Variants in CTBP1 observed in about 807,000 individuals in gnomAD.
CTBP1 encodes C-terminal binding protein 1.
In CTBP1, 11 loss-of-function variants were observed where a neutral mutation model predicts 42.1. The observed-to-expected ratio is 0.26, with a 90% CI of 0.16 to 0.43. CTBP1 has a LOEUF of 0.43. Among genes scored for constraint, CTBP1 ranks in the 20% least tolerant of loss-of-function variants. The probability of loss-of-function intolerance (pLI) is 1.00; values close to 1 mark genes in which losing one functional copy is unlikely to be tolerated. For synonymous variants in CTBP1, 324 were observed against 277.1 expected (o/e 1.17, Z -1.68); for missense variants, 399 against 624.3 (o/e 0.64, Z 3.85).
At chr4:1,221,043 A>T (rs1267999742) in intron 5 of CTBP1, among the ~76,000 whole-genome samples, 1 of 152,282 alleles carries the variant, frequency 6.6e-6, no homozygotes, top group African/African-American at 2.4e-5. Context: ...ACGGCCTGAG[A>T]TATTCGTAAA....
Position 1,238,386 on chromosome 4 carries a change from G to A in CTBP1, c.8-49C>T. ...AGCCTTGCACCACTGCGGCCCCGTG[G>A]CTACAACCCACTCCACGCCACCCAC... On this transcript the variant is annotated intron_variant, in intron 2 of 9. Coordinates refer to ENST00000382952, the MANE Select transcript of CTBP1 (RefSeq NM_001012614.2). The surrounding 1 kb of genome is among the most constrained non-coding windows in gnomAD (Gnocchi z 5.9). 4 of 1,506,656 alleles carry A rather than the reference G, an allele frequency of 2.7e-6. No individual in the cohort carries two copies. The highest frequency in any genetic ancestry group is 1.4e-5 in the African/African-American group (1 of 71,992). 93.3% of individuals were successfully genotyped at this position (1,506,656 alleles called of 1,614,324 possible). A position where few individuals can be genotyped will look rare whatever the true frequency, so the allele number is the denominator to read the frequency against.
Position 1,233,527 on chromosome 4 carries a change from G to A in CTBP1, c.162+4656C>T, listed in dbSNP as rs903880464. Among the ~76,000 whole-genome samples the A allele has an allele frequency of 6.6e-6, 1 of 152,134 alleles. No individual in the cohort carries two copies. ...CACCGGACGCAGCCTCCAGGCTCCA[G>A]GGCTTCCTTTTTCTTGCTCAGCAGT... On this transcript the variant is annotated intron_variant, in intron 3 of 9. Transcript: ENST00000382952. This position sits in a 1 kb window ranked among gnomAD's most constrained non-coding sequence, Gnocchi z 4.6.
At chr4:1,215,942 C>G in intron 6 of CTBP1, 49 bp downstream of exon 6, 1 of 1,550,086 alleles carries the variant, frequency 6.5e-7, no homozygotes, top group Middle Eastern at 2.3e-4. Context: ...ACACCCCCAC[C>G]TGTACCTGCC....
At chr4:1,212,831 C>T (rs1215595191) in intron 9 of CTBP1, 82 bp downstream of exon 9, 1 of 1,228,484 alleles carries the variant, frequency 8.1e-7, no homozygotes, top group Non-Finnish European at 1.2e-6. Context: ...AGACGCCGCC[C>T]CTCCCACCAG....
chr4:1,212,508 AG>A, intron 9 of CTBP1, 85 bp from the exon 10 acceptor site: 2 of 1,207,458 alleles, frequency 1.7e-6, no homozygotes, highest in Non-Finnish European at 2.2e-6. Context: ...GGCAGCACCG[AG>A]GGGGCCTCTC....
At chr4:1,216,363 A>G in intron 5 of CTBP1, 158 bp from the exon 6 acceptor site, 3 of 710,846 alleles carry the variant, frequency 4.2e-6, no homozygotes, top group South Asian at 1.8e-5. Flanking sequence ...CACGCTCCAC[A>G]CGAGCGCTCC....
chr4:1,239,317 C>T (rs1246631757), intron 2 of CTBP1, among the ~76,000 whole-genome samples: 2 of 152,176 alleles, frequency 1.3e-5, no homozygotes, highest in Admixed American at 6.5e-5. Flanking sequence ...TGGGCAGAGG[C>T]GGAGCTGGGG....
intron 1 of CTBP1, among the ~76,000 whole-genome samples, chr4:1,247,570 G>A (rs1200328877): frequency 6.6e-5 from 10 of 152,160 alleles, no homozygotes; most frequent in South Asian, 6.2e-4. Context: ...ATCCTCAGCT[G>A]CAACGGCAAA....
intron 3 of CTBP1, among the ~76,000 whole-genome samples, chr4:1,232,637 C>T (rs1402535897): frequency 6.6e-6 from 1 of 152,174 alleles, no homozygotes; most frequent in African/African-American, 2.4e-5. Flanking sequence ...TTCTAATTGC[C>T]ATTTAATTAA....
intron 2 of CTBP1, among the ~76,000 whole-genome samples, chr4:1,240,343 C>T (rs113716438): frequency 1.0e-5 from 1 of 99,490 alleles, no homozygotes; most frequent in African/African-American, 4.3e-5. Context: ...GTCGGAACCG[C>T]GTGGGGGACT....
chr4:1,242,915 G>A, intron 1 of CTBP1: 1 of 985,202 alleles, frequency 1.0e-6, no homozygotes, highest in Non-Finnish European at 1.2e-6. Flanking sequence ...ATCAATGCCA[G>A]CCGATACTCA....
At chr4:1,250,316 G>A (rs1381222416), upstream of CTBP1, 4 of 270,910 alleles carry the variant, frequency 1.5e-5, no homozygotes, top group Non-Finnish European at 3.0e-5. Flanking sequence ...TCTAAGATCG[G>A]GCTGCCGAGC....
In CTBP1 at chr4:1,230,765, G is replaced by A. The variant is rs973897134; in HGVS notation, c.163-2422C>T. Among the ~76,000 whole-genome samples the A allele has an allele frequency of 1.8e-4, 27 of 152,230 alleles. 1 individual carries two copies. On this transcript the variant is annotated intron_variant, in intron 3 of 9. Coordinates refer to ENST00000382952, the MANE Select transcript of CTBP1 (RefSeq NM_001012614.2). ...GCGATCAGATTCACGTGAATATGAC[G>A]AATATTCATCCGCGCAGCCTTAAGG... is the stretch of plus-strand genomic sequence containing the variant.
chr4:1,224,513 G>A (rs1283552272), intron 5 of CTBP1, among the ~76,000 whole-genome samples: 4 of 151,072 alleles, frequency 2.6e-5, no homozygotes, highest in Admixed American at 6.6e-5. Context: ...TGAGGCCCAC[G>A]TGTGCTGTGG....
chr4:1,216,493 A>C (rs189239346), intron 5 of CTBP1: 2 of 563,468 alleles, frequency 3.5e-6, no homozygotes, highest in Admixed American at 6.4e-5. Context: ...GCCTGTCCAC[A>C]GGACGTGACA....
chr4:1,249,646 T>C (rs763596936), upstream of CTBP1: 2 of 424,200 alleles, frequency 4.7e-6, no homozygotes, highest in South Asian at 1.6e-5. Flanking sequence ...AGCCCTGATT[T>C]ACCGTCCGAG....
Position 1,216,209 on chromosome 4 carries a change from G to C in CTBP1, c.515-4C>G, listed in dbSNP as rs759145559. ...GCCACTGCCTGCCCCACGCGACCTG[G>C]TGGCGTCAAGACACAGTGTGAGACC... On this transcript the variant is annotated splice_polypyrimidine_tract_variant and splice_region_variant and intron_variant, in intron 5 of 9. Transcript: ENST00000382952. 4 of 1,608,064 alleles carry C rather than the reference G, an allele frequency of 2.5e-6. No individual in the cohort carries two copies. Among genetic ancestry groups the C allele is most frequent in the Non-Finnish European group, 2.5e-6 (3 of 1,178,982 alleles).
chr4:1,234,923 C>T (rs1424618489), intron 3 of CTBP1: 2 of 152,164 alleles, frequency 1.3e-5, no homozygotes, highest in African/African-American at 4.8e-5. Context: ...GCCGGCGGCC[C>T]CCCCACCTAC....
chr4:1,242,508 A>G (rs1732283013), intron 1 of CTBP1: 2 of 984,908 alleles, frequency 2.0e-6, no homozygotes, highest in African/African-American at 1.8e-5. Context: ...CTCGCAGACA[A>G]ATCTCCAACC....
Sources: allele counts gnomAD v4.1 joint callset (sites outside exome capture counted in the v4.1 genomes callset), GRCh38; gene constraint gnomAD v4.1.1; non-coding constraint Gnocchi (gnomAD v3.1); transcripts MANE v1.5; gene names NCBI Gene and HGNC (gene_info 2026-07-23, HGNC 2026-07-21).